DOCK10: variants seen among roughly 807,000 people sequenced by gnomAD.
The protein encoded by DOCK10 is dedicator of cytokinesis 10.
DOCK10 carries 145 observed loss-of-function variants against 280.1 expected under a neutral mutation model. That is an observed-to-expected ratio of 0.52 (90% CI 0.45 to 0.59). The LOEUF (loss-of-function observed/expected upper bound fraction) is 0.59, where lower values mean the gene tolerates loss of function less well. DOCK10 is among the 20% of genes least tolerant of loss of function. DOCK10 has a pLI of 0.00. For synonymous variants in DOCK10, 915 were observed against 942.2 expected (o/e 0.97, Z 0.53); for missense variants, 2,368 against 2,651.7 (o/e 0.89, Z 2.35).
chr2:224,908,415 T>TG (rs1700803310), intron 3 of DOCK10, among the ~76,000 whole-genome samples: 68 of 141,192 alleles, frequency 4.8e-4, no homozygotes, highest in African/African-American at 1.6e-3. Flanking sequence ...TCATCATCGT[T>TG]TGTGTGTGTG....
chr2:224,986,821 C>G (rs1705987002), intron 1 of DOCK10, among the ~76,000 whole-genome samples: 1 of 152,118 alleles, frequency 6.6e-6, no homozygotes, highest in Non-Finnish European at 1.5e-5. Context: ...TTTGCTAGAG[C>G]AGCCCTAGTA....
chr2:224,949,253 G>T (rs1286412683), intron 1 of DOCK10, among the ~76,000 whole-genome samples: 1 of 152,114 alleles, frequency 6.6e-6, no homozygotes, highest in Non-Finnish European at 1.5e-5. Context: ...TTTCTTTTCT[G>T]CTTTAGTTTT....
At chr2:225,012,765 A>T (rs1190826593) in intron 1 of DOCK10, among the ~76,000 whole-genome samples, 4 of 152,224 alleles carry the variant, frequency 2.6e-5, no homozygotes, top group African/African-American at 9.6e-5. Flanking sequence ...TAAACAAACT[A>T]ATCTTTACAA....
chr2:224,815,216 T>C (rs997035879), intron 30 of DOCK10, among the ~76,000 whole-genome samples: 5 of 152,182 alleles, frequency 3.3e-5, no homozygotes, highest in African/African-American at 1.2e-4. Context: ...TGCCGCCATG[T>C]GAAGAAGGTC....
chr2:225,022,823 A>G (rs143220882), intron 1 of DOCK10, among the ~76,000 whole-genome samples: 30 of 152,312 alleles, frequency 2.0e-4, no homozygotes, highest in African/African-American at 6.5e-4. Flanking sequence ...GTTGGTATAC[A>G]TGGAATTTTC....
rs776649363 is a variant in DOCK10 at position 224,765,807 on chromosome 2, C to T, written c.6475G>A (p.Gly2159Arg). The T allele has an allele frequency of 5.2e-5, 84 of 1,613,616 alleles. No homozygotes were observed. Among genetic ancestry groups the T allele is most frequent in the South Asian group, 7.7e-5 (7 of 91,010 alleles). ...ITGRDDLSKRGVDQTCTRVIS... is the reference protein window; with the variant it reads ...ITGRDDLSKRRVDQTCTRVIS... ...ACTCGAGTGCAGGTTTGGTCCACTCCGCGCTTTGACAGGTCGTCCCTGCCC... is the reference window on the plus strand; with the variant it reads ...ACTCGAGTGCAGGTTTGGTCCACTCTGCGCTTTGACAGGTCGTCCCTGCCC... Residue 2159 changes from glycine (G) to arginine (R), a missense_variant, in exon 56 of 56, where the codon GGA becomes AGA. This residue lies in a region of DOCK10 where 1,159 missense variants were observed against 1,400.8 expected (regional missense o/e 0.83). Transcript: ENST00000258390.
At chr2:224,854,014 G>T (rs962743223) in intron 16 of DOCK10, among the ~76,000 whole-genome samples, 45 of 152,262 alleles carry the variant, frequency 3.0e-4, no homozygotes, top group African/African-American at 9.9e-4. Flanking sequence ...TAGAGGAAAT[G>T]ACTTGGTTTA....
intron 27 of DOCK10, among the ~76,000 whole-genome samples, chr2:224,828,669 A>G (rs1695024167): frequency 6.6e-6 from 1 of 152,202 alleles, no homozygotes; most frequent in Non-Finnish European, 1.5e-5. Flanking sequence ...CATGGGGATC[A>G]GGGATCACCA....
intron 1 of DOCK10, among the ~76,000 whole-genome samples, chr2:225,011,963 G>T (rs1689452154): frequency 6.6e-6 from 1 of 152,064 alleles, no homozygotes; most frequent in Non-Finnish European, 1.5e-5. Context: ...GTACTGTCGG[G>T]AAGAAGAAAA....
At chr2:224,917,099 A>ATTTTT (rs1559754057) in intron 2 of DOCK10, among the ~76,000 whole-genome samples, 1 of 60,252 alleles carries the variant, frequency 1.7e-5, no homozygotes, top group African/African-American at 6.1e-5. Flanking sequence ...TTCTATTGGA[A>ATTTTT]TCTTTTTTTT....
intron 2 of DOCK10, among the ~76,000 whole-genome samples, chr2:224,922,036 T>C (rs923653970): frequency 5.3e-5 from 8 of 151,100 alleles, no homozygotes; most frequent in African/African-American, 1.7e-4. Flanking sequence ...GGAGAATCGC[T>C]TGAACCCGGG....
intron 24 of DOCK10, among the ~76,000 whole-genome samples, chr2:224,839,503 G>A (rs565494736): frequency 2.6e-5 from 4 of 152,288 alleles, no homozygotes; most frequent in South Asian, 2.1e-4. Flanking sequence ...CATCCACATC[G>A]TGGAATACTA....
intron 39 of DOCK10, among the ~76,000 whole-genome samples, chr2:224,803,833 A>C (rs546657120): frequency 6.6e-6 from 1 of 152,264 alleles, no homozygotes; most frequent in African/African-American, 2.4e-5. Context: ...ATTAATGTTC[A>C]GTCTATGCAA....
chr2:224,845,172 T>A lies in DOCK10; in HGVS notation c.2481+31A>T, dbSNP rs1696255550. The A allele has an allele frequency of 1.9e-6, 3 of 1,551,214 alleles. No individual in the cohort carries two copies. The African/African-American group carries it at 4.1e-5, about 21-fold the overall frequency. ...TATGCCATTAAGCTGGTGTGCTTTT[T>A]TAAAATCTTAAATTACACATTATTC... On this transcript the variant is annotated intron_variant, in intron 21 of 55. Coordinates refer to ENST00000258390, the MANE Select transcript of DOCK10 (RefSeq NM_014689.3).
intron 53 of DOCK10, among the ~76,000 whole-genome samples, chr2:224,771,917 CT>C (rs35364268): frequency 0.69 from 97,499 of 141,306 alleles, 33,956 homozygotes; most frequent in Middle Eastern, 0.83. Flanking sequence ...TTTTCTTTGG[CT>C]TTTTTTTTTT....
At chr2:224,904,206 G>A (rs1193177373) in intron 3 of DOCK10, among the ~76,000 whole-genome samples, 3 of 151,808 alleles carry the variant, frequency 2.0e-5, no homozygotes, top group African/African-American at 4.8e-5. Flanking sequence ...AATAAACATG[G>A]CTTTAAATTT....
In DOCK10 at chr2:224,796,046, AATTATTATT is replaced by A. The variant is rs373877633; in HGVS notation, c.4938+261_4938+269del. Among the ~76,000 whole-genome samples the A allele has an allele frequency of 1.3e-4, 20 of 150,370 alleles. No homozygotes were observed. The East Asian group carries it at 2.5e-3, about 19-fold the overall frequency. On this transcript the variant is annotated intron_variant, in intron 44 of 55. Transcript: ENST00000258390. ...CAAAGTCTCAATAAACAAAATAAAC[AATTATTATT>A]ATTATTATTATTATTATTTTAGAGA...
At chr2:224,778,756 C>T (rs1466312682) in intron 50 of DOCK10, among the ~76,000 whole-genome samples, 1 of 152,134 alleles carries the variant, frequency 6.6e-6, no homozygotes, top group Non-Finnish European at 1.5e-5. Flanking sequence ...AATGGGCTGA[C>T]GTGCATCCCA....
intron 3 of DOCK10, among the ~76,000 whole-genome samples, chr2:224,897,799 C>T (rs937003306): frequency 7.2e-5 from 11 of 152,224 alleles, no homozygotes; most frequent in Non-Finnish European, 1.5e-4. Flanking sequence ...TACGTAATGA[C>T]GGATTATATA....
Sources: allele counts gnomAD v4.1 joint callset (sites outside exome capture counted in the v4.1 genomes callset), GRCh38; gene constraint gnomAD v4.1.1; regional missense constraint gnomAD v4.1.1; transcripts MANE v1.5; gene names NCBI Gene and HGNC (gene_info 2026-07-23, HGNC 2026-07-21).